Variants in SCN1A observed in about 807,000 individuals in gnomAD.
The protein encoded by SCN1A is sodium channel protein type 1 subunit alpha.
A neutral mutation model predicts 193.7 loss-of-function variants in SCN1A; 13 were observed. That is an observed-to-expected ratio of 0.07 (90% CI 0.04 to 0.11). The LOEUF (loss-of-function observed/expected upper bound fraction) is 0.11. SCN1A is among the 10% of genes least tolerant of loss of function. SCN1A has a pLI of 1.00. For synonymous variants in SCN1A, 781 were observed against 843.6 expected, an observed-to-expected ratio of 0.93 and a Z score of 1.29; for missense variants, 1,432 against 2,451.1, an observed-to-expected ratio of 0.58 and a Z score of 8.78.
intron 2 of SCN1A, among the ~76,000 whole-genome samples, chr2:166,086,960 C>CT (rs1686196481): frequency 6.6e-6 from 1 of 152,070 alleles, no homozygotes; most frequent in Admixed American, 6.6e-5. Flanking sequence ...AAGTCTATTT[C>CT]TGTCTAGGTG....
At chr2:166,019,440 T>C (rs1693724187) in intron 19 of SCN1A, among the ~76,000 whole-genome samples, 1 of 152,134 alleles carries the variant, frequency 6.6e-6, no homozygotes, top group Admixed American at 6.5e-5. Flanking sequence ...ATCTAAGTAA[T>C]GACTTTTTAA....
Position 166,036,279 on chromosome 2 carries a change from T to C in SCN1A, c.3198A>G (p.Thr1066=), listed in dbSNP as rs1404425515. The change falls in exon 19 of 29, where the codon ACA becomes ACG. Residue 1066 remains threonine (T), a synonymous_variant. Coordinates refer to ENST00000674923, the MANE Select transcript of SCN1A (RefSeq NM_001165963.4). ...AGTCAAGATCTTTCCCAATTTCTGC[T>C]GTATGATTGGACATACAACTGTCTT... ...NKKDSCMSNH[T]AEIGKDLDYL... The C allele has an allele frequency of 1.9e-6, 3 of 1,613,960 alleles. No homozygotes were observed. Among genetic ancestry groups the C allele is most frequent in the Non-Finnish European group, 2.5e-6 (3 of 1,179,886 alleles).
intron 2 of SCN1A, among the ~76,000 whole-genome samples, chr2:166,114,024 A>G (rs921342411): frequency 1.3e-5 from 2 of 152,162 alleles, no homozygotes; most frequent in Non-Finnish European, 2.9e-5. Context: ...TTCATATTTG[A>G]AAAATAAATA....
chr2:166,005,020 A>G (rs2105527980), intron 23 of SCN1A, among the ~76,000 whole-genome samples: 1 of 151,608 alleles, frequency 6.6e-6, no homozygotes, highest in South Asian at 2.1e-4. Context: ...AAGTTCAGAA[A>G]GTAGCCTATA....
At chr2:166,056,922 A>T (rs1456807768) in intron 5 of SCN1A, among the ~76,000 whole-genome samples, 1 of 152,038 alleles carries the variant, frequency 6.6e-6, no homozygotes, top group African/African-American at 2.4e-5. Flanking sequence ...CTTATCTGCA[A>T]TATTGTAATT....
chr2:165,991,419 A>G lies in SCN1A; in HGVS notation c.5856T>C (p.Asn1952=), dbSNP rs2105422139. 1.2e-6 allele frequency: 2 copies of G among 1,613,814 alleles called. No individual in the cohort carries two copies. Among genetic ancestry groups the G allele is most frequent in the East Asian group, 4.5e-5 (2 of 44,842 alleles). The change falls in exon 29 of 29, where the codon AAT becomes AAC. Residue 1952 remains asparagine (N), a synonymous_variant. Coordinates refer to ENST00000674923, the MANE Select transcript of SCN1A (RefSeq NM_001165963.4). ...YNKNKIKGGA[N]LLIKEDMIID... Reference sequence around the variant, plus strand: ...TTATCATGTCTTCTTTTATAAGAAGATTAGCCCCACCTTTGATTTTGTTTT... The same window carrying G: ...TTATCATGTCTTCTTTTATAAGAAGGTTAGCCCCACCTTTGATTTTGTTTT...
chr2:166,110,539 A>G (rs1002856307), intron 2 of SCN1A, among the ~76,000 whole-genome samples: 1 of 152,138 alleles, frequency 6.6e-6, no homozygotes, highest in Non-Finnish European at 1.5e-5. Context: ...ACTCTCTTGA[A>G]CTCTGTGAAG....
chr2:166,044,893 C>T, intron 13 of SCN1A, 150 bp downstream of exon 13: 2 of 827,094 alleles, frequency 2.4e-6, no homozygotes, highest in Non-Finnish European at 3.9e-6. Context: ...AAAGTTTTTG[C>T]ATAACTATGT....
intron 2 of SCN1A, among the ~76,000 whole-genome samples, chr2:166,125,478 G>T (rs1409490017): frequency 6.6e-6 from 1 of 152,168 alleles, no homozygotes; most frequent in Non-Finnish European, 1.5e-5. Flanking sequence ...GAAATGCCTG[G>T]TTGGTGACGT....
chr2:166,073,764 A>C, intron 3 of SCN1A, 94 bp from the exon 4 acceptor site: 2 of 964,208 alleles, frequency 2.1e-6, no homozygotes, highest in Non-Finnish European at 3.0e-6. Flanking sequence ...AGAGGATTTA[A>C]AGTCTGTTTT....
intron 2 of SCN1A, among the ~76,000 whole-genome samples, chr2:166,096,169 T>C (rs1015952206): frequency 1.3e-5 from 2 of 152,226 alleles, no homozygotes; most frequent in Admixed American, 6.5e-5. Flanking sequence ...CAGAAGACTT[T>C]TGAGAGTCAA....
intron 24 of SCN1A, among the ~76,000 whole-genome samples, chr2:166,001,875 C>T (rs1317575520): frequency 8.3e-6 from 1 of 120,576 alleles, no homozygotes; most frequent in Non-Finnish European, 1.7e-5. Context: ...GTATAATTCT[C>T]TCTCTTTTTT....
At chr2:166,087,194 C>T (rs1056964076) in intron 2 of SCN1A, among the ~76,000 whole-genome samples, 2 of 150,908 alleles carry the variant, frequency 1.3e-5, no homozygotes, top group East Asian at 2.0e-4. Context: ...CAGCCTGGCA[C>T]GGTGGCTCAC....
intron 20 of SCN1A, among the ~76,000 whole-genome samples, chr2:166,015,326 C>T (rs1693127533): frequency 1.3e-5 from 2 of 151,880 alleles, no homozygotes; most frequent in Admixed American, 1.3e-4. Flanking sequence ...AAGATGCCAA[C>T]TTATTGTGAA....
chr2:166,111,954 T>C (rs1290017464), intron 2 of SCN1A, among the ~76,000 whole-genome samples: 2 of 152,162 alleles, frequency 1.3e-5, no homozygotes, highest in Admixed American at 6.6e-5. Context: ...TTGCTTCTTA[T>C]AGACGAGCAA....
chr2:166,044,033 C>T lies in SCN1A; in HGVS notation c.1679G>A (p.Arg560His), dbSNP rs746769373. ...TCGCCTTGGTGAAAATAGGGAGCCA[C>T]GGATGCTCAACAAAGACTAGAAGTT... Reference protein sequence around the residue: ...SSPHQSLLSIRGSLFSPRRNS... With the variant: ...SSPHQSLLSIHGSLFSPRRNS... The change falls in exon 14 of 29, where the codon CGT becomes CAT. Residue 560 changes from arginine (R) to histidine (H), a missense_variant. Physicochemically the swap from Arg to His is conservative, Grantham distance 29. This residue lies in a region of SCN1A where 316 missense variants were observed against 362.1 expected (regional missense o/e 0.87). Coordinates refer to ENST00000674923, the MANE Select transcript of SCN1A (RefSeq NM_001165963.4). 12 of 1,613,910 alleles carry T rather than the reference C, an allele frequency of 7.4e-6. No homozygotes were observed. The highest frequency in any genetic ancestry group is 4.5e-5 in the East Asian group (2 of 44,898).
At chr2:166,139,096 G>C (rs1574647065) in intron 1 of SCN1A, among the ~76,000 whole-genome samples, 1 of 152,192 alleles carries the variant, frequency 6.6e-6, no homozygotes, top group Non-Finnish European at 1.5e-5. Context: ...ATTGTATCTA[G>C]GAGGTAACTA....
intron 2 of SCN1A, among the ~76,000 whole-genome samples, chr2:166,103,611 T>G (rs753718194): frequency 6.6e-6 from 1 of 152,000 alleles, no homozygotes; most frequent in Non-Finnish European, 1.5e-5. Flanking sequence ...GCTTCCTAAG[T>G]AGGTGAGAGC....
chr2:166,045,257 G>A lies in SCN1A; in HGVS notation c.1448C>T (p.Ser483Leu). Residue 483 changes from serine to leucine, a missense_variant, in exon 13 of 29, where the codon TCA (serine) becomes TTA (leucine). This residue lies in a region of SCN1A where 316 missense variants were observed against 362.1 expected (regional missense o/e 0.87). Coordinates refer to ENST00000674923, the MANE Select transcript of SCN1A (RefSeq NM_001165963.4). The stretch of plus-strand genomic sequence containing the variant: ...GGAACTCAACTTAGAGGCTTCAGAT[G>A]AGCTGTCTGAGAGCCTGCCTGCTGC... The part of the protein sequence containing the change: ...PSAAGRLSDS[S>L]SEASKLSSKS... 1 of 1,614,102 alleles carries A rather than the reference G, an allele frequency of 6.2e-7. No individual in the cohort carries two copies. The highest frequency in any genetic ancestry group is 8.5e-7 in the Non-Finnish European group (1 of 1,180,008).
Sources: gnomAD v4.1 joint callset for allele counts (sites outside exome capture counted in the v4.1 genomes callset) on GRCh38, gnomAD v4.1.1 for gene constraint, gnomAD v4.1.1 regional missense constraint, MANE v1.5 for transcripts, NCBI Gene and HGNC (gene_info 2026-07-23, HGNC 2026-07-21) for gene names.